Variants in GRK3 observed in about 807,000 individuals in gnomAD.
The protein encoded by GRK3 is adrenergic, beta, receptor kinase 2.
In GRK3, 54 loss-of-function variants were observed where a neutral mutation model predicts 95.7. That is an observed-to-expected ratio of 0.56 (90% CI 0.45 to 0.71). The LOEUF (loss-of-function observed/expected upper bound fraction) is 0.71. GRK3 is among the 30% of genes least tolerant of loss of function. The pLI, the probability that GRK3 is intolerant of heterozygous loss-of-function variation, is 0.00. For synonymous variants in GRK3, 281 were observed against 290.8 expected (o/e 0.97, Z 0.34); for missense variants, 649 against 851.2 (o/e 0.76, Z 2.96).
chr22:25,650,953 T>C (rs1601502001), intron 3 of GRK3, among the ~76,000 whole-genome samples: 1 of 152,150 alleles, frequency 6.6e-6, no homozygotes. Flanking sequence ...AATAGTTGAT[T>C]TGGGGAGGAA....
At chr22:25,721,223 G>A in intron 19 of GRK3, 61 bp from the exon 20 acceptor site, 2 of 856,440 alleles carry the variant, frequency 2.3e-6, no homozygotes, top group Non-Finnish European at 1.9e-6. Context: ...GTAGTTTTTG[G>A]TATTACTACT....
chr22:25,674,012 C>T (rs1373964906), intron 7 of GRK3, among the ~76,000 whole-genome samples: 1 of 152,154 alleles, frequency 6.6e-6, no homozygotes, highest in Non-Finnish European at 1.5e-5. Context: ...CATGGACTCT[C>T]ATTTTTCAAC....
Position 25,725,669 on chromosome 22 carries a change from G to C in GRK3, c.*3219G>C, listed in dbSNP as rs184417391. The C allele has an allele frequency of 5.3e-5, 21 of 398,570 alleles. No individual in the cohort carries two copies. In the South Asian group the frequency reaches 2.7e-3, roughly 51 times the overall value. 24.7% of individuals were successfully genotyped at this position (398,570 alleles called of 1,614,324 possible). A position where few individuals can be genotyped will look rare whatever the true frequency, so the allele number is the denominator to read the frequency against. ...TATGTTTAAAAAGAAGGGGCTGGCC[G>C]GGCACGATGGCTCACGCCTATAATC... On this transcript the variant is annotated 3_prime_UTR_variant, in exon 21 of 21. Coordinates refer to ENST00000324198, the MANE Select transcript of GRK3 (RefSeq NM_005160.4).
At chr22:25,656,645 A>G (rs1302952426) in intron 3 of GRK3, among the ~76,000 whole-genome samples, 1 of 152,188 alleles carries the variant, frequency 6.6e-6, no homozygotes, top group Non-Finnish European at 1.5e-5. Flanking sequence ...AATATTTATT[A>G]AACACCAACA....
At chr22:25,644,342 A>G (rs1051542594) in intron 2 of GRK3, among the ~76,000 whole-genome samples, 18 of 151,748 alleles carry the variant, frequency 1.2e-4, no homozygotes, top group Admixed American at 6.6e-5. Flanking sequence ...TTTTGTGGAA[A>G]GTGGGGGGCG....
rs117923679 is a variant in GRK3, at chr22:25,610,791, G to A, written c.190+6338G>A. On this transcript the variant is annotated intron_variant, in intron 2 of 20. Coordinates refer to ENST00000324198, the MANE Select transcript of GRK3 (RefSeq NM_005160.4). ...AAGGTTTCTGAAGTTAATCCATGTC[G>A]TTGTGTGTATCTGTACTTCATTCCT... 3.1e-4 allele frequency among the ~76,000 whole-genome samples: 47 copies of A among 152,262 alleles called. 1 individual carries two copies. In the East Asian group the frequency reaches 5.8e-3, roughly 19 times the overall value.
At chr22:25,602,754 C>T (rs2084417780) in intron 1 of GRK3, among the ~76,000 whole-genome samples, 1 of 152,040 alleles carries the variant, frequency 6.6e-6, no homozygotes, top group African/African-American at 2.4e-5. Context: ...AGAACTGGAG[C>T]ATGAATCTAT....
intron 1 of GRK3, among the ~76,000 whole-genome samples, chr22:25,590,133 T>A (rs1932444129): frequency 6.6e-6 from 1 of 152,172 alleles, no homozygotes; most frequent in Non-Finnish European, 1.5e-5. Flanking sequence ...CCTTAGATTA[T>A]TTTGAAGCAT....
At chr22:25,656,891 G>A (rs1856807762) in intron 3 of GRK3, among the ~76,000 whole-genome samples, 1 of 152,182 alleles carries the variant, frequency 6.6e-6, no homozygotes, top group South Asian at 2.1e-4. Context: ...CTAAACCCAG[G>A]TTTGAATGTT....
chr22:25,713,184 G>A (rs568554527), intron 17 of GRK3, among the ~76,000 whole-genome samples: 1 of 152,262 alleles, frequency 6.6e-6, no homozygotes, highest in Middle Eastern at 3.4e-3. Context: ...TTGCCAGACC[G>A]TTCAGAGCCT....
At chr22:25,683,660 C>T (rs1234448016) in intron 9 of GRK3, among the ~76,000 whole-genome samples, 1 of 152,114 alleles carries the variant, frequency 6.6e-6, no homozygotes, top group African/African-American at 2.4e-5. Flanking sequence ...AGTTTGGGGG[C>T]TATGTGGTAT....
chr22:25,597,150 C>T (rs1049036272), intron 1 of GRK3, among the ~76,000 whole-genome samples: 1 of 152,010 alleles, frequency 6.6e-6, no homozygotes, highest in African/African-American at 2.4e-5. Context: ...TGCTCTGTGT[C>T]TGAAAGTTGT....
intron 2 of GRK3, among the ~76,000 whole-genome samples, chr22:25,612,230 G>T (rs1288985673): frequency 6.6e-6 from 1 of 152,014 alleles, no homozygotes; most frequent in East Asian, 1.9e-4. Flanking sequence ...CTTATATCTT[G>T]GTCTGTGGTC....
In GRK3 at chr22:25,726,912, C is replaced by CATGT. The variant is rs34169246; in HGVS notation, c.*4462_*4463insATGT. 7.3e-6 allele frequency: 1 copy of CATGT among 137,896 alleles called. No individual in the cohort carries two copies. The highest frequency in any genetic ancestry group is 1.5e-5 in the Non-Finnish European group (1 of 64,614). The allele number at this position is 137,896 out of a possible 1,614,324, so 8.5% of individuals were successfully genotyped here. ...TTACCAGGCCATCTCCAAAACACCC[C>CATGT]GTGTGTGTGTGTGTGTGTGTGTGTG... On this transcript the variant is annotated 3_prime_UTR_variant, in exon 21 of 21. Transcript: ENST00000324198.
chr22:25,699,482 A>G (rs1300637476), intron 13 of GRK3, among the ~76,000 whole-genome samples: 1 of 152,102 alleles, frequency 6.6e-6, no homozygotes, highest in Non-Finnish European at 1.5e-5. Flanking sequence ...TCCCCTAAGT[A>G]GAGGCCAAGG....
chr22:25,710,744 G>A (rs779832219), intron 16 of GRK3, among the ~76,000 whole-genome samples: 8 of 152,120 alleles, frequency 5.3e-5, no homozygotes, highest in South Asian at 2.1e-4. Context: ...GTGGTGTTGC[G>A]TCCTCTCAGA....
At chr22:25,715,696 T>C (rs892298723) in intron 18 of GRK3, among the ~76,000 whole-genome samples, 2 of 152,248 alleles carry the variant, frequency 1.3e-5, no homozygotes, top group African/African-American at 2.4e-5. Flanking sequence ...TCGATGATTA[T>C]GTTAAGATGT....
intron 2 of GRK3, among the ~76,000 whole-genome samples, chr22:25,627,534 T>C (rs924256963): frequency 1.3e-5 from 2 of 152,254 alleles, no homozygotes; most frequent in Admixed American, 1.3e-4. Context: ...TTTCCAAGTC[T>C]AGCTTGCACT....
At chr22:25,594,380 C>G (rs2084357246) in intron 1 of GRK3, among the ~76,000 whole-genome samples, 1 of 152,120 alleles carries the variant, frequency 6.6e-6, no homozygotes, top group Non-Finnish European at 1.5e-5. Context: ...GATGCCAAAA[C>G]CTGGCAAAGA....
Sources: allele counts gnomAD v4.1 joint callset (sites outside exome capture counted in the v4.1 genomes callset), GRCh38; gene constraint gnomAD v4.1.1; transcripts MANE v1.5; gene names NCBI Gene and HGNC (gene_info 2026-07-23, HGNC 2026-07-21).